The following SHANK2 variants were observed in gnomAD, a reference collection of about 807,000 sequenced individuals.
The protein encoded by SHANK2 is SH3 and multiple ankyrin repeat domains 2, also known as SH3 and multiple ankyrin repeat domains protein 2.
In SHANK2, 43 loss-of-function variants were observed where a neutral mutation model predicts 133.7. The ratio of observed to expected loss-of-function variants is 0.32; its 90% CI spans 0.25 to 0.41. The LOEUF is 0.41. Ranked by LOEUF, SHANK2 falls within the 10% of genes least tolerant of loss-of-function variation. The probability of loss-of-function intolerance (pLI) is 1.00; values close to 1 mark genes in which losing one functional copy is unlikely to be tolerated. For synonymous variants in SHANK2, 1,017 were observed against 952.8 expected, an observed-to-expected ratio of 1.07 and a Z score of -1.24; for missense variants, 1,994 against 2,235.8, an observed-to-expected ratio of 0.89 and a Z score of 2.18.
intron 15 of SHANK2, among the ~76,000 whole-genome samples, chr11:70,682,231 T>G (rs939110055): frequency 6.6e-6 from 1 of 152,158 alleles, no homozygotes; most frequent in African/African-American, 2.4e-5. Context: ...CCAGGGGACA[T>G]GCTGGGTCCA....
At chr11:70,930,601 G>T (rs1176126153) in intron 10 of SHANK2, among the ~76,000 whole-genome samples, 1 of 151,620 alleles carries the variant, frequency 6.6e-6, no homozygotes, top group Non-Finnish European at 1.5e-5. Context: ...GAGGTCATTG[G>T]TCTCAGAGGT....
intron 17 of SHANK2, among the ~76,000 whole-genome samples, chr11:70,579,633 G>A (rs1016446719): frequency 2.0e-5 from 3 of 152,206 alleles, no homozygotes; most frequent in East Asian, 3.9e-4. Context: ...CAGGACCCCC[G>A]GTGTCCCCGG....
intron 21 of SHANK2, among the ~76,000 whole-genome samples, chr11:70,493,189 T>G (rs1242527005): frequency 5.3e-5 from 8 of 150,826 alleles, no homozygotes; most frequent in African/African-American, 1.5e-4. Context: ...TTTTGTTTTT[T>G]TTTTTGAAGA....
intron 17 of SHANK2, among the ~76,000 whole-genome samples, chr11:70,626,266 T>C (rs1554999928): frequency 6.6e-6 from 1 of 152,228 alleles, no homozygotes; most frequent in Non-Finnish European, 1.5e-5. Context: ...ACATGGCTTC[T>C]AGATATCACT....
intron 17 of SHANK2, among the ~76,000 whole-genome samples, chr11:70,552,994 GTGGTCATCCC>G (rs1462127629): frequency 1.3e-5 from 2 of 152,186 alleles, no homozygotes; most frequent in Non-Finnish European, 2.9e-5. Flanking sequence ...GTGTCCTCAT[GTGGTCATCCC>G]TCTGTGCATG....
intron 3 of SHANK2, among the ~76,000 whole-genome samples, chr11:71,135,153 G>C (rs1315364637): frequency 6.6e-5 from 10 of 152,034 alleles, no homozygotes; most frequent in Non-Finnish European, 1.5e-4. Context: ...TCCAAGCAAA[G>C]ACCCTCTCCC....
intron 17 of SHANK2, among the ~76,000 whole-genome samples, chr11:70,516,957 C>T (rs1247738971): frequency 3.3e-5 from 5 of 152,156 alleles, no homozygotes; most frequent in African/African-American, 9.7e-5. Flanking sequence ...TCTGTAATCC[C>T]AGCTACTTGG....
intron 9 of SHANK2, among the ~76,000 whole-genome samples, chr11:71,064,648 G>A (rs949029309): frequency 6.6e-6 from 1 of 151,934 alleles, no homozygotes; most frequent in African/African-American, 2.4e-5. Context: ...CCAGGCAAGG[G>A]TGAGAAGGGT....
At chr11:70,636,805 CAT>C (rs1414914834) in intron 17 of SHANK2, among the ~76,000 whole-genome samples, 3 of 151,832 alleles carry the variant, frequency 2.0e-5, no homozygotes, top group Admixed American at 1.3e-4. Context: ...TGTGTGTGAA[CAT>C]GTGTGTGGGC....
intron 25 of SHANK2, among the ~76,000 whole-genome samples, chr11:70,480,939 C>T (rs782214715): frequency 7.9e-5 from 12 of 152,230 alleles, no homozygotes; most frequent in Non-Finnish European, 1.8e-4. Context: ...GGACCCCCAG[C>T]GTGCAGCACT....
At chr11:70,752,779 A>G (rs1555037698) in intron 14 of SHANK2, among the ~76,000 whole-genome samples, 1 of 152,094 alleles carries the variant, frequency 6.6e-6, no homozygotes, top group Admixed American at 6.5e-5. Context: ...AATAATACCT[A>G]ATGCCAGCAT....
chr11:70,829,148 T>A (rs1383898548), intron 11 of SHANK2, among the ~76,000 whole-genome samples: 1 of 152,142 alleles, frequency 6.6e-6, no homozygotes, highest in Non-Finnish European at 1.5e-5. Context: ...CTGTTCTGAC[T>A]GGTGGACCAG....
chr11:70,780,551 C>T (rs1265230854), intron 14 of SHANK2, among the ~76,000 whole-genome samples: 1 of 147,730 alleles, frequency 6.8e-6, no homozygotes, highest in Non-Finnish European at 1.5e-5. Context: ...TCTTTAAAGA[C>T]AAAACTGTTT....
intron 17 of SHANK2, among the ~76,000 whole-genome samples, chr11:70,658,125 C>T (rs1372973341): frequency 1.3e-5 from 2 of 151,220 alleles, no homozygotes; most frequent in Non-Finnish European, 2.9e-5. Flanking sequence ...ACACCCCCCC[C>T]ACCCTGCCTG....
intron 17 of SHANK2, among the ~76,000 whole-genome samples, chr11:70,597,680 C>T (rs1457596473): frequency 6.6e-6 from 1 of 152,158 alleles, no homozygotes; most frequent in Non-Finnish European, 1.5e-5. Context: ...CAAGACCAGT[C>T]TGGCCAACAT....
intron 11 of SHANK2, chr11:70,863,245 G>T: frequency 4.5e-6 from 2 of 442,474 alleles, no homozygotes; most frequent in Non-Finnish European, 4.6e-6. Context: ...GGCTCCATGA[G>T]GTGACACCTC....
At chr11:70,643,338 C>T (rs995373193) in intron 17 of SHANK2, among the ~76,000 whole-genome samples, 3 of 152,006 alleles carry the variant, frequency 2.0e-5, no homozygotes, top group African/African-American at 7.3e-5. Context: ...CCGAGGCGGG[C>T]GGATCACGAG....
At chr11:70,578,621 A>T (rs1180807979) in intron 17 of SHANK2, among the ~76,000 whole-genome samples, 11 of 152,126 alleles carry the variant, frequency 7.2e-5, no homozygotes, top group Admixed American at 5.9e-4. Context: ...GCCCTGGGCC[A>T]CGTCTCACAG....
intron 17 of SHANK2, among the ~76,000 whole-genome samples, chr11:70,572,294 G>C (rs2060055329): frequency 6.6e-6 from 1 of 152,180 alleles, no homozygotes; most frequent in Non-Finnish European, 1.5e-5. Flanking sequence ...TGAGTAGCTG[G>C]GATTACAGGT....
Sources: allele counts gnomAD v4.1 joint callset (sites outside exome capture counted in the v4.1 genomes callset), GRCh38; gene constraint gnomAD v4.1.1; transcripts MANE v1.5; gene names NCBI Gene and HGNC (gene_info 2026-07-23, HGNC 2026-07-21).